SOCS7: variants seen among roughly 807,000 people sequenced by gnomAD.
SOCS7 encodes the protein NAP-4.
Under a neutral mutation model 58.9 loss-of-function variants are expected in SOCS7, and 18 were observed. The ratio of observed to expected loss-of-function variants is 0.31; its 90% CI spans 0.21 to 0.45. The LOEUF (loss-of-function observed/expected upper bound fraction) is 0.45, where lower values mean the gene tolerates loss of function less well. Ranked by LOEUF, SOCS7 falls within the 20% of genes least tolerant of loss-of-function variation. The pLI, the probability that SOCS7 is intolerant of heterozygous loss-of-function variation, is 1.00. For synonymous variants in SOCS7, 388 were observed against 364.3 expected (o/e 1.06, Z -0.74); for missense variants, 667 against 837.3 (o/e 0.80, Z 2.51).
rs948342251 is a variant in SOCS7 at position 38,364,939 on chromosome 17, G to A, written c.1150+83G>A. On this transcript the variant is annotated intron_variant, in intron 3 of 9. Coordinates refer to ENST00000612932, the MANE Select transcript of SOCS7 (RefSeq NM_014598.4). ...TTGTTCTTTGCTGGGGGCCGACCACGCTTCTGGGTTTCCGATGATGACTCA... is the reference window on the plus strand; with the variant it reads ...TTGTTCTTTGCTGGGGGCCGACCACACTTCTGGGTTTCCGATGATGACTCA... The A allele has an allele frequency of 3.6e-5, 37 of 1,013,922 alleles. No homozygotes were observed. The Middle Eastern group carries it at 8.6e-4, about 24-fold the overall frequency. 62.8% of individuals were successfully genotyped at this position (1,013,922 alleles called of 1,614,324 possible). A position where few individuals can be genotyped will look rare whatever the true frequency, so the allele number is the denominator to read the frequency against.
rs2038339866 is a variant in SOCS7, at chr17:38,402,839, T to C, written c.*3357T>C. The C allele has an allele frequency of 6.6e-6, 1 of 152,218 alleles. No individual in the cohort carries two copies. The highest frequency in any genetic ancestry group is 2.1e-4 in the South Asian group (1 of 4,828). 9.4% of individuals were successfully genotyped at this position (152,218 alleles called of 1,614,324 possible). On this transcript the variant is annotated 3_prime_UTR_variant, in exon 10 of 10. Transcript: ENST00000612932. Reference sequence around the variant, plus strand: ...CTAAGTTGTGGGTGGGTGATATCAGTGGCCTCAGTGCCTGCATAACCCTCA... The same window carrying C: ...CTAAGTTGTGGGTGGGTGATATCAGCGGCCTCAGTGCCTGCATAACCCTCA...
intron 1 of SOCS7, among the ~76,000 whole-genome samples, chr17:38,353,704 G>A (rs1438761169): frequency 6.6e-6 from 1 of 152,090 alleles, no homozygotes; most frequent in Non-Finnish European, 1.5e-5. Flanking sequence ...AGGAGTTTGA[G>A]ACCAGCCTGG....
chr17:38,366,009 C>T (rs1478633467), intron 4 of SOCS7: 2 of 1,193,698 alleles, frequency 1.7e-6, no homozygotes, highest in African/African-American at 3.2e-5. Flanking sequence ...GCTGGTGAAG[C>T]CCCTGAAGTA....
intron 1 of SOCS7, among the ~76,000 whole-genome samples, chr17:38,359,140 T>TA (rs2037681162): frequency 6.6e-6 from 1 of 152,260 alleles, no homozygotes; most frequent in African/African-American, 2.4e-5. Flanking sequence ...ACCCACAAGT[T>TA]ATCAAATAAA....
At chr17:38,357,424 C>CT (rs1188262553) in intron 1 of SOCS7, among the ~76,000 whole-genome samples, 1 of 152,204 alleles carries the variant, frequency 6.6e-6, no homozygotes, top group Non-Finnish European at 1.5e-5. Flanking sequence ...AAAAAAATCT[C>CT]TGTCCATTTG....
Position 38,402,708 on chromosome 17 carries a change from C to A in SOCS7, c.*3226C>A, listed in dbSNP as rs898241396. On this transcript the variant is annotated 3_prime_UTR_variant, in exon 10 of 10. Transcript: ENST00000612932. ...TTGCGCCACTGCCCTCTAGCCTAGACGACAGAGTGAGACTCCATCTCAAAA... is the reference window on the plus strand; with the variant it reads ...TTGCGCCACTGCCCTCTAGCCTAGAAGACAGAGTGAGACTCCATCTCAAAA... 6.6e-6 allele frequency: 1 copy of A among 152,186 alleles called. No homozygotes were observed. The highest frequency in any genetic ancestry group is 2.1e-4 in the South Asian group (1 of 4,828). 9.4% of individuals were successfully genotyped at this position (152,186 alleles called of 1,614,324 possible).
At chr17:38,378,965 C>G (rs1791726536) in intron 7 of SOCS7, among the ~76,000 whole-genome samples, 1 of 151,776 alleles carries the variant, frequency 6.6e-6, no homozygotes, top group South Asian at 2.1e-4. Flanking sequence ...CAAGACCAGG[C>G]TGGGCAACAT....
chr17:38,353,200 G>GAAAC (rs2037584685), intron 1 of SOCS7, among the ~76,000 whole-genome samples, 168 bp downstream of exon 1: 1 of 152,208 alleles, frequency 6.6e-6, no homozygotes, highest in Admixed American at 6.5e-5. Context: ...GCTAATTGTG[G>GAAAC]AAACAGCTTT....
chr17:38,357,843 G>T (rs997997677), intron 1 of SOCS7, among the ~76,000 whole-genome samples: 9 of 152,164 alleles, frequency 5.9e-5, no homozygotes, highest in Non-Finnish European at 1.2e-4. Flanking sequence ...GGCAAGATAG[G>T]TTATTATTCT....
chr17:38,395,548 C>A, intron 8 of SOCS7, 104 bp downstream of exon 8: 1 of 1,217,516 alleles, frequency 8.2e-7, no homozygotes, highest in Non-Finnish European at 1.2e-6. Flanking sequence ...CAGAGTCTGG[C>A]ATAAAATATT....
chr17:38,395,907 T>C lies in SOCS7; in HGVS notation c.1877T>C (p.Leu626Pro), dbSNP rs2038238917. ...YYYDPQEEVY[L>P]SLKEAQLISK... ...TATGATCCTCAGGAAGAGGTATACC[T>C]GTCTCTAAAGGAAGCGCAGCTCATT... is the stretch of plus-strand genomic sequence containing the variant. The change falls in exon 9 of 10, where the codon CTG becomes CCG. Residue 626 changes from leucine to proline, a missense_variant. By Grantham distance (98) the Leu-to-Pro change is moderately conservative. Coordinates refer to ENST00000612932, the MANE Select transcript of SOCS7 (RefSeq NM_014598.4). The C allele has an allele frequency of 4.3e-6, 7 of 1,611,718 alleles. No individual in the cohort carries two copies. Among genetic ancestry groups the C allele is most frequent in the African/African-American group, 1.3e-5 (1 of 74,758 alleles).
intron 7 of SOCS7, among the ~76,000 whole-genome samples, chr17:38,394,770 C>G (rs956768253): frequency 2.0e-5 from 3 of 152,198 alleles, no homozygotes; most frequent in Non-Finnish European, 4.4e-5. Context: ...ATGCTAGGAG[C>G]CAGGCACAGT....
At chr17:38,356,455 A>G (rs975586661) in intron 1 of SOCS7, among the ~76,000 whole-genome samples, 1 of 151,572 alleles carries the variant, frequency 6.6e-6, no homozygotes, top group Non-Finnish European at 1.5e-5. Context: ...TTGGCTCACT[A>G]CAACCTCCGC....
intron 7 of SOCS7, among the ~76,000 whole-genome samples, chr17:38,389,286 G>C (rs1597709198): frequency 6.6e-6 from 1 of 152,120 alleles, no homozygotes; most frequent in Admixed American, 6.5e-5. Flanking sequence ...TTACAGGCTG[G>C]GTATGGTGCC....
chr17:38,389,908 G>GTACATATATATATATATAT lies in SOCS7; in HGVS notation c.1682-5401_1682-5400insTACATATATATATATATAT, dbSNP rs2038146914. On this transcript the variant is annotated intron_variant, in intron 7 of 9. Coordinates refer to ENST00000612932, the MANE Select transcript of SOCS7 (RefSeq NM_014598.4). Reference sequence around the variant, plus strand: ...GTACATATATATATATACACATATAGAGAGAGAGAGAGAGAGAGAGTGAGA... The same window carrying GTACATATATATATATATAT: ...GTACATATATATATATACACATATAGTACATATATATATATATATAGAGAGAGAGAGAGAGAGAGTGAGA... Among the ~76,000 whole-genome samples the GTACATATATATATATATAT allele has an allele frequency of 2.4e-3, 16 of 6,798 alleles. 1 individual carries two copies. The highest frequency in any genetic ancestry group is 6.5e-3 in the African/African-American group (15 of 2,298). The allele number at this position is 6,798 out of a possible 152,430, so 4.5% of individuals were successfully genotyped here.
chr17:38,357,230 T>A (rs1278554404), intron 1 of SOCS7, among the ~76,000 whole-genome samples: 2 of 152,244 alleles, frequency 1.3e-5, no homozygotes, highest in African/African-American at 2.4e-5. Flanking sequence ...GGTCTTCAGG[T>A]CTAAAGGGAT....
In SOCS7 at chr17:38,404,578, C is replaced by T. The variant is rs907977376; in HGVS notation, c.*5096C>T. 3 of 152,268 alleles carry T rather than the reference C, an allele frequency of 2.0e-5. No homozygotes were observed. The highest frequency in any genetic ancestry group is 2.9e-5 in the Non-Finnish European group (2 of 68,102). The allele number at this position is 152,268 out of a possible 1,614,324, so 9.4% of individuals were successfully genotyped here. ...GGGGCAGACAGAAAGCAGCCAGCCACGGCGGGAAGACATGCATGTTTGGTT... is the reference window on the plus strand; with the variant it reads ...GGGGCAGACAGAAAGCAGCCAGCCATGGCGGGAAGACATGCATGTTTGGTT... On this transcript the variant is annotated 3_prime_UTR_variant, in exon 10 of 10. Transcript: ENST00000612932.
chr17:38,403,697 A>AT lies in SOCS7; in HGVS notation c.*4218dup, dbSNP rs2038353235. 6.6e-6 allele frequency: 1 copy of AT among 152,096 alleles called. No homozygotes were observed. The highest frequency in any genetic ancestry group is 6.6e-5 in the Admixed American group (1 of 15,262). 9.4% of individuals were successfully genotyped at this position (152,096 alleles called of 1,614,324 possible). A position where few individuals can be genotyped will look rare whatever the true frequency, so the allele number is the denominator to read the frequency against. ...CATCTCCACTGGGCGGAGACCTGGC[A>AT]TTTGTTTTCCACTGTTAAGAGAATG... On this transcript the variant is annotated 3_prime_UTR_variant, in exon 10 of 10. Coordinates refer to ENST00000612932, the MANE Select transcript of SOCS7 (RefSeq NM_014598.4).
At chr17:38,363,797 C>G (rs1273156509) in intron 2 of SOCS7, among the ~76,000 whole-genome samples, 1 of 152,012 alleles carries the variant, frequency 6.6e-6, no homozygotes, top group Admixed American at 6.6e-5. Context: ...AGCTGAGGGG[C>G]TCATTCAGCC....
Sources: gnomAD v4.1 joint callset for allele counts (sites outside exome capture counted in the v4.1 genomes callset) on GRCh38, gnomAD v4.1.1 for gene constraint, MANE v1.5 for transcripts, NCBI Gene and HGNC (gene_info 2026-07-23, HGNC 2026-07-21) for gene names.